The following LAT2 variants were observed in gnomAD, a reference collection of about 807,000 sequenced individuals.
LAT2 encodes the protein linker for activation of T cells family member 2, also known as linker for activation of T-cells family member 2.
Under a neutral mutation model 43.4 loss-of-function variants are expected in LAT2, and 23 were observed. The observed-to-expected ratio is 0.53, with a 90% CI of 0.38 to 0.75. LAT2 has a LOEUF of 0.75. LAT2 is among the 30% of genes least tolerant of loss of function. The pLI, the probability that LAT2 is intolerant of heterozygous loss-of-function variation, is 0.00. For missense variants in LAT2, 284 were observed against 310.2 expected (o/e 0.92, Z 0.64); for synonymous variants, 128 against 123.2 (o/e 1.04, Z -0.26).
In LAT2 at chr7:74,213,403, G is replaced by A. The variant is rs538776445; in HGVS notation, c.-218-1419G>A. 7.3e-4 allele frequency among the ~76,000 whole-genome samples: 108 copies of A among 148,896 alleles called. 1 individual carries two copies. The highest frequency in any genetic ancestry group is 2.6e-3 in the African/African-American group (104 of 40,324). On this transcript the variant is annotated intron_variant, in intron 1 of 13. Coordinates refer to ENST00000460943, the MANE Select transcript of LAT2 (RefSeq NM_032464.3). The stretch of plus-strand genomic sequence containing the variant: ...CCCAAAGTGTTGGGATTACAGGCAT[G>A]AGCCACTGTGCCCGGCCATTTTTTT...
chr7:74,224,277 G>C (rs1802402955), intron 12 of LAT2, 80 bp downstream of exon 12: 1 of 1,462,208 alleles, frequency 6.8e-7, no homozygotes, highest in Non-Finnish European at 9.4e-7. Context: ...GGCTGAAAGT[G>C]GGCTTCCCTC....
rs74636627 is a variant in LAT2 at position 74,218,303 on chromosome 7, T to C, written c.134+1439T>C. 7.3e-3 allele frequency among the ~76,000 whole-genome samples: 1,113 copies of C among 152,304 alleles called. 6 individuals are homozygous for C. Among genetic ancestry groups the C allele is most frequent in the African/African-American group, 0.025 (1,035 of 41,570 alleles). ...CGTCTGACTGACTCTCTCCTGTGGA[T>C]TTAGGGTATCTCTCCTAAATCAGGT... On this transcript the variant is annotated intron_variant, in intron 4 of 13. Transcript: ENST00000460943.
At chr7:74,224,892 T>A (rs1802431498) in intron 13 of LAT2, 132 bp downstream of exon 13, 4 of 647,408 alleles carry the variant, frequency 6.2e-6, no homozygotes, top group African/African-American at 3.7e-5. Context: ...GGTGCACCCA[T>A]GGGTGCTCCA....
At chr7:74,225,023 C>A in intron 13 of LAT2, 1 of 312,094 alleles carries the variant, frequency 3.2e-6, no homozygotes, top group Non-Finnish European at 6.1e-6. Flanking sequence ...ACTGCATCCT[C>A]CTGGCTGCGA....
chr7:74,210,367 C>T (rs1448868436), intron 1 of LAT2, among the ~76,000 whole-genome samples: 3 of 152,090 alleles, frequency 2.0e-5, no homozygotes, highest in South Asian at 2.1e-4. Flanking sequence ...AGTAAGTGGC[C>T]GAGAGCCAAA....
At chr7:74,218,780 T>G (rs1554714564) in intron 4 of LAT2, among the ~76,000 whole-genome samples, 1 of 152,228 alleles carries the variant, frequency 6.6e-6, no homozygotes, top group Admixed American at 6.5e-5. Context: ...CACTGCAACC[T>G]CTGCCTCCTG....
intron 13 of LAT2, among the ~76,000 whole-genome samples, chr7:74,227,502 G>A (rs1554716284): frequency 6.6e-6 from 1 of 152,166 alleles, no homozygotes. Context: ...TTACAGGCAT[G>A]AGCTACCATG....
chr7:74,221,982 A>C (rs1299092770), intron 10 of LAT2, among the ~76,000 whole-genome samples: 2 of 151,976 alleles, frequency 1.3e-5, no homozygotes, highest in African/African-American at 2.4e-5. Flanking sequence ...GTCCTTGTCA[A>C]CGAGGACTGA....
At chr7:74,212,334 G>T (rs1801761081) in intron 1 of LAT2, among the ~76,000 whole-genome samples, 1 of 151,746 alleles carries the variant, frequency 6.6e-6, no homozygotes, top group African/African-American at 2.4e-5. Context: ...ATGCTGGAGT[G>T]CACTGGCGTG....
intron 2 of LAT2, among the ~76,000 whole-genome samples, chr7:74,215,631 C>T (rs1289646451): frequency 6.6e-6 from 1 of 152,164 alleles, no homozygotes; most frequent in Non-Finnish European, 1.5e-5. Context: ...CAGTGAACCT[C>T]GTCCTCAAAG....
At chr7:74,214,672 A>ATG (rs1801947628) in intron 1 of LAT2, 150 bp from the exon 2 acceptor site, 1 of 86,166 alleles carries the variant, frequency 1.2e-5, no homozygotes, top group African/African-American at 5.3e-5. Context: ...ATATATATAT[A>ATG]AATATATATA....
Position 74,223,705 on chromosome 7 carries a change from A to G in LAT2, c.389-19A>G, listed in dbSNP as rs112055519. 0.031 allele frequency: 50,372 copies of G among 1,606,838 alleles called. 1,607 individuals are homozygous for G. Among genetic ancestry groups the G allele is most frequent in the African/African-American group, 0.15 (11,522 of 74,618 alleles). On this transcript the variant is annotated intron_variant, in intron 10 of 13. Transcript: ENST00000460943. ...AGGGTCTGCCCACACCCCCGTGCCC[A>G]CTCCTCTCTCTCCTGCAGATGATGA...
At chr7:74,221,491 A>C in intron 9 of LAT2, 146 bp from the exon 10 acceptor site, 1 of 461,408 alleles carries the variant, frequency 2.2e-6, no homozygotes, top group Non-Finnish European at 3.9e-6. Flanking sequence ...GGGTGGGGGA[A>C]TCAGAGAGGA....
intron 3 of LAT2, 92 bp downstream of exon 3, chr7:74,216,161 G>C: frequency 9.2e-7 from 1 of 1,081,882 alleles, no homozygotes; most frequent in East Asian, 2.4e-5. Context: ...GTGGTCAGAA[G>C]AGGTGGTCAG....
At chr7:74,223,669 C>T in intron 10 of LAT2, 55 bp from the exon 11 acceptor site, 8 of 1,529,024 alleles carry the variant, frequency 5.2e-6, no homozygotes, top group South Asian at 1.1e-5. Flanking sequence ...GGAGGATGAG[C>T]CAGGCTTTGC....
chr7:74,215,380 G>T (rs1554714101), intron 2 of LAT2: 1 of 154,718 alleles, frequency 6.5e-6, no homozygotes, highest in African/African-American at 2.4e-5. Flanking sequence ...GCAGAGAGGG[G>T]TCCTGCGAAG....
intron 2 of LAT2, 115 bp downstream of exon 2, chr7:74,215,125 C>A: frequency 6.6e-6 from 1 of 152,292 alleles, no homozygotes. Context: ...TCAGGGCTCC[C>A]TCCCTCTGAA....
chr7:74,214,625 T>A lies in LAT2; in HGVS notation c.-218-197T>A, dbSNP rs186898447. Among the ~76,000 whole-genome samples, 50 of 15,154 alleles carry A rather than the reference T, an allele frequency of 3.3e-3. 11 individuals are homozygous for A. Among genetic ancestry groups the A allele is most frequent in the South Asian group, 7.8e-3 (2 of 256 alleles). The allele number at this position is 15,154 out of a possible 152,430, so 9.9% of individuals were successfully genotyped here. On this transcript the variant is annotated intron_variant, in intron 1 of 13. Coordinates refer to ENST00000460943, the MANE Select transcript of LAT2 (RefSeq NM_032464.3). Reference sequence around the variant, plus strand: ...AAATATATATAAATATATATATGAATATATATATATATATATGAAAATATA... The same window carrying A: ...AAATATATATAAATATATATATGAAAATATATATATATATATGAAAATATA...
intron 4 of LAT2, among the ~76,000 whole-genome samples, chr7:74,218,218 G>A (rs1287213315): frequency 2.0e-4 from 31 of 152,182 alleles, no homozygotes; most frequent in African/African-American, 7.2e-4. Context: ...CCACCAGCCT[G>A]CATGAAGCGA....
Sources: gnomAD v4.1 joint callset for allele counts (sites outside exome capture counted in the v4.1 genomes callset) on GRCh38, gnomAD v4.1.1 for gene constraint, MANE v1.5 for transcripts, NCBI Gene and HGNC (gene_info 2026-07-23, HGNC 2026-07-21) for gene names.